The following SPON1 variants were observed in gnomAD, a reference collection of about 807,000 sequenced individuals.
SPON1 encodes the protein spondin-1.
SPON1 carries 52 observed loss-of-function variants against 111.7 expected under a neutral mutation model. The ratio of observed to expected loss-of-function variants is 0.47; its 90% CI spans 0.37 to 0.59. SPON1 has a LOEUF of 0.59. Ranked by LOEUF, SPON1 falls within the 20% of genes least tolerant of loss-of-function variation. The probability of loss-of-function intolerance (pLI) is 0.00; values close to 1 mark genes in which losing one functional copy is unlikely to be tolerated. For synonymous variants in SPON1, 410 were observed against 395.8 expected, an observed-to-expected ratio of 1.04 and a Z score of -0.43; for missense variants, 957 against 1,068.5, an observed-to-expected ratio of 0.90 and a Z score of 1.46.
At chr11:14,251,170 A>G (rs1849049260) in intron 7 of SPON1, among the ~76,000 whole-genome samples, 2 of 152,204 alleles carry the variant, frequency 1.3e-5, no homozygotes, top group African/African-American at 4.8e-5. Context: ...GGGGTCAAGG[A>G]GGGATTCTCC....
chr11:14,010,623 C>T (rs560795226), intron 2 of SPON1, among the ~76,000 whole-genome samples: 3 of 152,302 alleles, frequency 2.0e-5, no homozygotes, highest in South Asian at 2.1e-4. Flanking sequence ...CATGCTTATA[C>T]GTGTGTCATA....
intron 6 of SPON1, 73 bp from the exon 7 acceptor site, chr11:14,243,259 T>TCA (rs782127163): frequency 1.6e-4 from 220 of 1,399,486 alleles, no homozygotes; most frequent in Non-Finnish European, 2.0e-4. Flanking sequence ...GTGAATGGTG[T>TCA]CACCAGGTCA....
At chr11:14,087,135 T>A (rs1390576007) in intron 5 of SPON1, among the ~76,000 whole-genome samples, 1 of 152,162 alleles carries the variant, frequency 6.6e-6, no homozygotes, top group African/African-American at 2.4e-5. Flanking sequence ...TTTCCATGTC[T>A]CTATCTCCTT....
chr11:14,114,101 A>G (rs1171577828), intron 5 of SPON1, among the ~76,000 whole-genome samples: 1 of 152,180 alleles, frequency 6.6e-6, no homozygotes, highest in Admixed American at 6.5e-5. Flanking sequence ...TAAATATACA[A>G]TTATTGACCA....
chr11:14,132,865 C>A (rs935488197), intron 5 of SPON1, among the ~76,000 whole-genome samples: 2 of 152,098 alleles, frequency 1.3e-5, no homozygotes, highest in Middle Eastern at 3.2e-3. Context: ...CTATTGTGTG[C>A]CAGTAGTGAT....
intron 2 of SPON1, among the ~76,000 whole-genome samples, chr11:14,029,020 C>T (rs1469365586): frequency 6.6e-6 from 1 of 152,122 alleles, no homozygotes; most frequent in African/African-American, 2.4e-5. Flanking sequence ...TTACCACTTT[C>T]CCGAAGTCTG....
chr11:14,028,503 A>C (rs1305895297), intron 2 of SPON1, among the ~76,000 whole-genome samples: 1 of 152,096 alleles, frequency 6.6e-6, no homozygotes, highest in Non-Finnish European at 1.5e-5. Context: ...TTTAAAAAAG[A>C]ATATAGGGTA....
intron 4 of SPON1, among the ~76,000 whole-genome samples, chr11:14,078,709 G>A (rs1425884590): frequency 1.3e-5 from 2 of 152,104 alleles, no homozygotes; most frequent in African/African-American, 4.8e-5. Context: ...GTAAAATGGG[G>A]ATAGCAAAAG....
intron 1 of SPON1, among the ~76,000 whole-genome samples, chr11:13,978,403 C>T (rs193255946): frequency 3.2e-4 from 48 of 152,236 alleles, no homozygotes; most frequent in African/African-American, 9.6e-4. Flanking sequence ...TTTAATAGCA[C>T]GTCAACTCCG....
intron 6 of SPON1, among the ~76,000 whole-genome samples, chr11:14,234,370 G>A (rs111387602): frequency 0.012 from 1,886 of 152,304 alleles, 43 homozygotes; most frequent in African/African-American, 0.044. Context: ...ATGGGGAGGC[G>A]GACCACGGAA....
At chr11:14,089,522 G>A (rs1389898678) in intron 5 of SPON1, among the ~76,000 whole-genome samples, 2 of 152,144 alleles carry the variant, frequency 1.3e-5, no homozygotes, top group Non-Finnish European at 2.9e-5. Context: ...TCCCAGAGGG[G>A]CACCAGCCTT....
Position 14,001,729 on chromosome 11 carries a change from G to C in SPON1, c.345+18776G>C, listed in dbSNP as rs1462061618. On this transcript the variant is annotated intron_variant, in intron 2 of 15. Coordinates refer to ENST00000576479, the MANE Select transcript of SPON1 (RefSeq NM_006108.4). Reference sequence around the variant, plus strand: ...CTCTACTTAAGAAGGAGTTTCTAGGGAAAACCAAAGACAAAAATGAGAAGA... The same window carrying C: ...CTCTACTTAAGAAGGAGTTTCTAGGCAAAACCAAAGACAAAAATGAGAAGA... Among the ~76,000 whole-genome samples the C allele has an allele frequency of 2.6e-5, 4 of 152,018 alleles. No homozygotes were observed. The East Asian group carries it at 5.8e-4, about 22-fold the overall frequency.
intron 1 of SPON1, among the ~76,000 whole-genome samples, chr11:13,965,572 C>A (rs896771008): frequency 6.6e-6 from 1 of 152,210 alleles, no homozygotes. Context: ...CCTAAACAGC[C>A]ATCTGGACTT....
At chr11:14,072,632 G>A (rs1464268047) in intron 3 of SPON1, among the ~76,000 whole-genome samples, 4 of 152,142 alleles carry the variant, frequency 2.6e-5, no homozygotes, top group Non-Finnish European at 5.9e-5. Flanking sequence ...CTGAAGCCAG[G>A]ACATGTCTGG....
chr11:14,084,177 G>T (rs1303139491), intron 5 of SPON1, among the ~76,000 whole-genome samples: 3 of 151,692 alleles, frequency 2.0e-5, no homozygotes, highest in Middle Eastern at 3.2e-3. Context: ...TGTGCAGAAT[G>T]TGCAGGTTTG....
chr11:14,242,742 T>G (rs553272592), intron 6 of SPON1, among the ~76,000 whole-genome samples: 3 of 152,366 alleles, frequency 2.0e-5, no homozygotes, highest in Admixed American at 2.0e-4. Flanking sequence ...CTAAAATAAC[T>G]TTATGGTGCT....
At chr11:14,194,567 C>CACACACACACACACAG (rs150398912) in intron 6 of SPON1, among the ~76,000 whole-genome samples, 3 of 139,410 alleles carry the variant, frequency 2.2e-5, no homozygotes, top group East Asian at 2.1e-4. Flanking sequence ...CACACACACA[C>CACACACACACACACAG]GGACTGCCTG....
intron 6 of SPON1, among the ~76,000 whole-genome samples, chr11:14,179,495 C>T (rs1245036589): frequency 1.3e-5 from 2 of 152,090 alleles, no homozygotes; most frequent in Non-Finnish European, 2.9e-5. Flanking sequence ...GCTCAATTGT[C>T]ATTTCCTCTG....
rs937398027 is a variant in SPON1, at chr11:14,259,404, G to C, written c.1617G>C (p.Thr539=). Residue 539 remains threonine (T), a synonymous_variant, in exon 12 of 16, where the codon ACG becomes ACC. Coordinates refer to ENST00000576479, the MANE Select transcript of SPON1 (RefSeq NM_006108.4). The surrounding 1 kb of genome is among the most constrained non-coding windows in gnomAD (Gnocchi z 5.0). The stretch of plus-strand genomic sequence containing the variant: ...TCCCGGAGGACGGCTCCGTGTGCAC[G>C]CTGCCCACTGAGGAAACGGAGAAGT... ...KQFPEDGSVC[T]LPTEETEKCT... 6.2e-7 allele frequency: 1 copy of C among 1,610,870 alleles called. No homozygotes were observed.
Sources: gnomAD v4.1 joint callset for allele counts (sites outside exome capture counted in the v4.1 genomes callset) on GRCh38, gnomAD v4.1.1 for gene constraint, Gnocchi (gnomAD v3.1) non-coding constraint, MANE v1.5 for transcripts, NCBI Gene and HGNC (gene_info 2026-07-23, HGNC 2026-07-21) for gene names.